Variants in ESR1 observed in about 807,000 individuals in gnomAD.
ESR1 encodes the protein estrogen receptor 1.
In ESR1, 12 loss-of-function variants were observed where a neutral mutation model predicts 52.7. That is an observed-to-expected ratio of 0.23 (90% CI 0.15 to 0.37). The LOEUF is 0.37. ESR1 is among the 10% of genes least tolerant of loss of function. The pLI, the probability that ESR1 is intolerant of heterozygous loss-of-function variation, is 1.00. For missense variants in ESR1, 584 were observed against 779.7 expected (o/e 0.75, Z 2.99); for synonymous variants, 305 against 316.8 (o/e 0.96, Z 0.39).
chr6:152,019,044 T>C (rs1199776794), intron 5 of ESR1, among the ~76,000 whole-genome samples: 2 of 152,196 alleles, frequency 1.3e-5, no homozygotes, highest in Admixed American at 6.5e-5. Context: ...TGACTGACTC[T>C]TAAAAGTCTT....
intron 1 of ESR1, among the ~76,000 whole-genome samples, chr6:151,657,198 G>C (rs985474427): frequency 3.9e-5 from 6 of 152,090 alleles, no homozygotes; most frequent in African/African-American, 1.4e-4. Context: ...GGCAGTTGTA[G>C]AGAAATTTAA....
intron 4 of ESR1, among the ~76,000 whole-genome samples, chr6:151,969,915 T>A (rs556432997): frequency 1.9e-4 from 24 of 127,080 alleles, no homozygotes; most frequent in East Asian, 7.3e-4. Context: ...ACACAACAAA[T>A]TTTTTTTTTT....
intron 3 of ESR1, among the ~76,000 whole-genome samples, chr6:151,915,979 G>C (rs1439147387): frequency 6.6e-6 from 1 of 152,166 alleles, no homozygotes; most frequent in Non-Finnish European, 1.5e-5. Context: ...AAGCTTGTTT[G>C]AGATATTTTC....
intron 3 of ESR1, among the ~76,000 whole-genome samples, chr6:151,882,299 G>T (rs1183311529): frequency 6.6e-6 from 1 of 152,138 alleles, no homozygotes; most frequent in Non-Finnish European, 1.5e-5. Context: ...AATTCTCCTG[G>T]TGAAGAGATG....
chr6:151,920,591 C>T (rs1174330205), intron 3 of ESR1, among the ~76,000 whole-genome samples: 1 of 152,116 alleles, frequency 6.6e-6, no homozygotes, highest in Non-Finnish European at 1.5e-5. Flanking sequence ...CCCAGGCTCG[C>T]CATGGTTGTG....
Position 152,061,523 on chromosome 6 carries a change from T to C in ESR1, c.1369+399T>C, listed in dbSNP as rs1239300454. Among the ~76,000 whole-genome samples, 1 of 152,178 alleles carries C rather than the reference T, an allele frequency of 6.6e-6. No homozygotes were observed. Among genetic ancestry groups the C allele is most frequent in the African/African-American group, 2.4e-5 (1 of 41,450 alleles). ...GGCTCCAGATAGTAAAGAAAGAGGG[T>C]TATTTGAGACAGACCATGTTTCTGG... is the stretch of plus-strand genomic sequence containing the variant. On this transcript the variant is annotated intron_variant, in intron 6 of 7. Coordinates refer to ENST00000206249, the MANE Select transcript of ESR1 (RefSeq NM_000125.4). This position sits in a 1 kb window ranked among gnomAD's most constrained non-coding sequence, Gnocchi z 4.3.
chr6:151,906,259 T>A (rs546787070), intron 3 of ESR1, among the ~76,000 whole-genome samples: 1 of 152,236 alleles, frequency 6.6e-6, no homozygotes, highest in East Asian at 1.9e-4. Context: ...GACAAATTAG[T>A]TTACTTAGTC....
At chr6:151,791,731 G>T (rs1279303046) in intron 2 of ESR1, among the ~76,000 whole-genome samples, 1 of 152,150 alleles carries the variant, frequency 6.6e-6, no homozygotes, top group Non-Finnish European at 1.5e-5. Flanking sequence ...GTGAGCACCT[G>T]TGTTTTCCTC....
At chr6:152,045,850 A>G (rs2046190024) in intron 5 of ESR1, among the ~76,000 whole-genome samples, 1 of 152,148 alleles carries the variant, frequency 6.6e-6, no homozygotes, top group African/African-American at 2.4e-5. Context: ...AAGAGTGAAC[A>G]CTTTTACCTT....
chr6:151,956,865 T>TAC, intron 4 of ESR1, among the ~76,000 whole-genome samples: 1 of 74,710 alleles, frequency 1.3e-5, no homozygotes, highest in East Asian at 3.6e-4. Context: ...TATATATAAA[T>TAC]ATATATATAT....
intron 2 of ESR1, among the ~76,000 whole-genome samples, chr6:151,709,705 A>G (rs1001451308): frequency 4.6e-5 from 7 of 151,406 alleles, no homozygotes; most frequent in African/African-American, 1.7e-4. Flanking sequence ...CCATTTTCTG[A>G]TGATTATAGT....
chr6:152,030,472 G>T (rs886482969), intron 5 of ESR1, among the ~76,000 whole-genome samples: 4 of 152,000 alleles, frequency 2.6e-5, no homozygotes, highest in African/African-American at 9.7e-5. Context: ...AACAAAAAAA[G>T]GCAGGGGTTG....
chr6:151,669,052 A>C (rs1777927129), intron 1 of ESR1, among the ~76,000 whole-genome samples: 1 of 150,162 alleles, frequency 6.7e-6, no homozygotes, highest in Non-Finnish European at 1.5e-5. Flanking sequence ...GCTCTAGAGG[A>C]AATGTGAAAC....
chr6:152,107,984 ATG>A (rs1562794709), downstream of ESR1, among the ~76,000 whole-genome samples: 2 of 152,132 alleles, frequency 1.3e-5, no homozygotes, highest in African/African-American at 4.8e-5. Flanking sequence ...TCCTCCACCG[ATG>A]GATCTGTATG....
chr6:151,870,178 G>A (rs541722532), intron 2 of ESR1, among the ~76,000 whole-genome samples: 3 of 152,080 alleles, frequency 2.0e-5, no homozygotes, highest in Admixed American at 2.0e-4. Context: ...TCCTTAATAC[G>A]TTGCTTTCTA....
chr6:152,033,313 C>T (rs2044919039), intron 5 of ESR1, among the ~76,000 whole-genome samples: 1 of 152,028 alleles, frequency 6.6e-6, no homozygotes, highest in Admixed American at 6.6e-5. Flanking sequence ...AACTAAAGAG[C>T]TTCTGCACAG....
At chr6:152,120,334 G>T (rs550911262) in intron 6 of ESR1, among the ~76,000 whole-genome samples, 1 of 152,156 alleles carries the variant, frequency 6.6e-6, no homozygotes, top group Non-Finnish European at 1.5e-5. Context: ...TCAGATGAGG[G>T]TGCAGGGCAC....
intron 4 of ESR1, among the ~76,000 whole-genome samples, chr6:152,002,531 A>G (rs1282578738): frequency 1.3e-5 from 2 of 152,038 alleles, no homozygotes; most frequent in African/African-American, 4.8e-5. Context: ...GGATGCAGCC[A>G]GTCTGTGCTC....
intron 5 of ESR1, among the ~76,000 whole-genome samples, chr6:152,019,860 TGTTA>T (rs982409943): frequency 9.2e-5 from 14 of 152,144 alleles, no homozygotes; most frequent in African/African-American, 3.1e-4. Flanking sequence ...TTCAAGTTTG[TGTTA>T]GTTAGGATTC....
Sources: allele counts gnomAD v4.1 joint callset (sites outside exome capture counted in the v4.1 genomes callset), GRCh38; gene constraint gnomAD v4.1.1; non-coding constraint Gnocchi (gnomAD v3.1); transcripts MANE v1.5; gene names NCBI Gene and HGNC (gene_info 2026-07-23, HGNC 2026-07-21).